ABCC9: variants seen among roughly 807,000 people sequenced by gnomAD.
ABCC9 encodes ATP binding cassette subfamily C member 9, also known as ATP-binding cassette sub-family C member 9.
In ABCC9, 95 loss-of-function variants were observed where a neutral mutation model predicts 188.3. The ratio of observed to expected loss-of-function variants is 0.50; its 90% confidence interval spans 0.43 to 0.60. ABCC9 has a LOEUF of 0.60. Among genes scored for constraint, ABCC9 ranks in the 20% least tolerant of loss-of-function variants. The pLI is 0.00. For missense variants in ABCC9, 1,102 were observed against 1,876.3 expected, an observed-to-expected ratio of 0.59 and a Z score of 7.62; for synonymous variants, 659 against 652.7, an observed-to-expected ratio of 1.01 and a Z score of -0.15.
intron 4 of ABCC9, among the ~76,000 whole-genome samples, chr12:21,932,510 A>C (rs866520581): frequency 6.6e-6 from 1 of 152,148 alleles, no homozygotes; most frequent in African/African-American, 2.4e-5. Context: ...AATTTTTGCA[A>C]ACTATGCATC....
chr12:21,899,723 A>G (rs1440150969), intron 12 of ABCC9, among the ~76,000 whole-genome samples: 1 of 152,184 alleles, frequency 6.6e-6, no homozygotes, highest in Non-Finnish European at 1.5e-5. Context: ...CTAGCACAGC[A>G]GTCTGAGATC....
chr12:21,849,515 T>A (rs569201023), intron 24 of ABCC9, among the ~76,000 whole-genome samples: 1 of 152,180 alleles, frequency 6.6e-6, no homozygotes, highest in Admixed American at 6.6e-5. Context: ...TGAAATAAAA[T>A]AAACCTTCAT....
chr12:21,815,669 C>T, intron 34 of ABCC9, 94 bp downstream of exon 34: 1 of 1,500,826 alleles, frequency 6.7e-7, no homozygotes, highest in Non-Finnish European at 9.1e-7. Flanking sequence ...AATATACTTA[C>T]TTGGCTGGGA....
intron 37 of ABCC9, among the ~76,000 whole-genome samples, chr12:21,808,778 CAAAA>C (rs34314026): frequency 2.6e-4 from 21 of 80,486 alleles, no homozygotes; most frequent in African/African-American, 1.0e-3. Context: ...GAACTTGTCT[CAAAA>C]AAAAAAAAAA....
At chr12:21,873,696 G>A (rs146894596) in intron 17 of ABCC9, among the ~76,000 whole-genome samples, 12 of 152,074 alleles carry the variant, frequency 7.9e-5, no homozygotes, top group South Asian at 2.1e-4. Context: ...AAAACAGTAC[G>A]GTACTTGCAT....
chr12:21,879,861 A>AG (rs1946537823), intron 16 of ABCC9, among the ~76,000 whole-genome samples: 1 of 152,062 alleles, frequency 6.6e-6, no homozygotes, highest in African/African-American at 2.4e-5. Context: ...AGGAAAAAAA[A>AG]TCCAGTTATA....
intron 2 of ABCC9, among the ~76,000 whole-genome samples, chr12:21,940,215 C>T (rs1456453686): frequency 6.6e-6 from 1 of 152,176 alleles, no homozygotes; most frequent in Admixed American, 6.5e-5. Flanking sequence ...ATGCTGGAAA[C>T]ACCTGGAGAA....
intron 5 of ABCC9, chr12:21,925,563 G>A: frequency 1.4e-6 from 1 of 701,648 alleles, no homozygotes; most frequent in South Asian, 1.5e-5. Context: ...CCTGGAACTA[G>A]AGGAGATGAC....
At position 21,878,900 on chromosome 12, in the gene ABCC9, C is replaced by T. The variant is rs1230363532; in HGVS notation, c.2020-3174G>A. On this transcript the variant is annotated intron_variant, in intron 16 of 39. Coordinates refer to ENST00000261200, the MANE Select transcript of ABCC9 (RefSeq NM_020297.4). The stretch of plus-strand genomic sequence containing the variant: ...CTTTTACAAAATGCACTAAATTCCC[C>T]ACCAGCAGGGTTAAAATCCTGACTT... Among the ~76,000 whole-genome samples, 5 of 152,120 alleles carry T rather than the reference C, an allele frequency of 3.3e-5. No individual in the cohort carries two copies. The South Asian group carries it at 1.0e-3, about 31-fold the overall frequency.
Position 21,930,272 on chromosome 12 carries a change from T to C in ABCC9, c.284+3510A>G, listed in dbSNP as rs1437915669. Among the ~76,000 whole-genome samples the C allele has an allele frequency of 1.1e-4, 16 of 152,326 alleles. No individual in the cohort carries two copies. The East Asian group carries it at 3.1e-3, about 29-fold the overall frequency. ...ATCTTTATTCTACAGGTTATTGATGTCATATTTCTATATAATATGGGACCA... is the reference window on the plus strand; with the variant it reads ...ATCTTTATTCTACAGGTTATTGATGCCATATTTCTATATAATATGGGACCA... On this transcript the variant is annotated intron_variant, in intron 4 of 39. Coordinates refer to ENST00000261200, the MANE Select transcript of ABCC9 (RefSeq NM_020297.4).
intron 32 of ABCC9, among the ~76,000 whole-genome samples, 182 bp from the exon 33 acceptor site, chr12:21,817,489 G>A (rs1459873803): frequency 6.6e-6 from 1 of 152,116 alleles, no homozygotes; most frequent in Non-Finnish European, 1.5e-5. Flanking sequence ...CAAAGAAGGT[G>A]TCTGGTTCCT....
At position 21,936,422 on chromosome 12, in the gene ABCC9, C is replaced by T. The variant is rs887944445; in HGVS notation, c.142+111G>A. The T allele has an allele frequency of 9.7e-6, 9 of 930,276 alleles. No homozygotes were observed. The Admixed American group carries it at 1.1e-4, about 11-fold the overall frequency. The allele number at this position is 930,276 out of a possible 1,614,324, so 57.6% of individuals were successfully genotyped here. On this transcript the variant is annotated intron_variant, in intron 3 of 39. Transcript: ENST00000261200. ...AAAATACTTGCTTGTTCGTTTCTCA[C>T]AGCCATCAGCTTCCATGTTACAGAA... is the stretch of plus-strand genomic sequence containing the variant.
At position 21,838,155 on chromosome 12, in the gene ABCC9, A is replaced by G; in HGVS notation, c.3489T>C (p.Leu1163=). 2 of 1,613,938 alleles carry G rather than the reference A, an allele frequency of 1.2e-6. No individual in the cohort carries two copies. The highest frequency in any genetic ancestry group is 2.2e-5 in the South Asian group (2 of 91,092). ...GCAGAGGGAGCTGGGTACTATCGTC[A>G]AGTTCCTGGAGGTCCCTAGTAGAGA... ...FRVASKDLQE[L]DDSTQLPLLC... The change falls in exon 30 of 40, where the codon CTT becomes CTC. Residue 1163 remains leucine (L), a synonymous_variant. Coordinates refer to ENST00000261200, the MANE Select transcript of ABCC9 (RefSeq NM_020297.4).
At chr12:21,839,610 T>C (rs1435393798) in intron 29 of ABCC9, among the ~76,000 whole-genome samples, 8 of 152,250 alleles carry the variant, frequency 5.3e-5, no homozygotes, top group African/African-American at 1.7e-4. Flanking sequence ...AACAGTTATA[T>C]CACATGTTTC....
intron 34 of ABCC9, among the ~76,000 whole-genome samples, chr12:21,815,284 TG>T (rs1446513757): frequency 6.8e-5 from 10 of 147,948 alleles, no homozygotes; most frequent in African/African-American, 2.6e-4. Context: ...TTTTTCTTCA[TG>T]GTTTTTTTTT....
chr12:21,815,926 T>C, intron 33 of ABCC9, 33 bp from the exon 34 acceptor site: 3 of 1,588,546 alleles, frequency 1.9e-6, no homozygotes, highest in African/African-American at 1.3e-5. Flanking sequence ...AGACAGATAA[T>C]AGGCAGATAG....
chr12:21,940,741 C>T lies in ABCC9; in HGVS notation c.-52G>A, dbSNP rs991124682. The T allele has an allele frequency of 3.9e-5, 6 of 152,152 alleles. No homozygotes were observed. The highest frequency in any genetic ancestry group is 3.9e-4 in the Admixed American group (6 of 15,282). 9.4% of individuals were successfully genotyped at this position (152,152 alleles called of 1,614,324 possible). ...CAATAGCTTCACGCTGCTTCAAACC[C>T]CTGCCGGTGCACTTGAGCTACCTTC... is the stretch of plus-strand genomic sequence containing the variant. On this transcript the variant is annotated 5_prime_UTR_variant, in exon 2 of 40. Coordinates refer to ENST00000261200, the MANE Select transcript of ABCC9 (RefSeq NM_020297.4).
chr12:21,809,956 C>A lies in ABCC9; in HGVS notation c.4212-1G>T, dbSNP rs771644568. 1 of 1,591,366 alleles carries A rather than the reference C, an allele frequency of 6.3e-7. No homozygotes were observed. Among genetic ancestry groups the A allele is most frequent in the Non-Finnish European group, 8.6e-7 (1 of 1,160,838 alleles). ...TTTGCACTCTGGATCTAAATTAAAT[C>A]TGTAGGGAAAAATTAGTTAATTAGT... On this transcript the variant is annotated splice_acceptor_variant, in intron 36 of 39. Transcript: ENST00000261200. LOFTEE classifies it high-confidence loss of function.
chr12:21,815,545 A>G (rs1942552206), intron 34 of ABCC9, among the ~76,000 whole-genome samples: 1 of 152,124 alleles, frequency 6.6e-6, no homozygotes, highest in Non-Finnish European at 1.5e-5. Context: ...GACTTTTCTG[A>G]TCTCCATGGG....
Sources: gnomAD v4.1 joint callset for allele counts (sites outside exome capture counted in the v4.1 genomes callset) on GRCh38, gnomAD v4.1.1 for gene constraint, MANE v1.5 for transcripts, NCBI Gene and HGNC (gene_info 2026-07-23, HGNC 2026-07-21) for gene names.